Variants in EEA1 observed in about 807,000 individuals in gnomAD.
EEA1 encodes the protein early endosome antigen 1, also known as early endosome antigen 1, 162kD.
EEA1 carries 111 observed loss-of-function variants against 209.2 expected under a neutral mutation model. The ratio of observed to expected loss-of-function variants is 0.53; its 90% confidence interval spans 0.45 to 0.62. The LOEUF is 0.62. EEA1 is among the 20% of genes least tolerant of loss of function. The pLI is 0.00. For missense variants in EEA1, 1,343 were observed against 1,530.8 expected (o/e 0.88, Z 2.05); for synonymous variants, 536 against 540.6 (o/e 0.99, Z 0.12).
At chr12:92,781,227 G>A (rs1453872538) in intron 23 of EEA1, among the ~76,000 whole-genome samples, 1 of 152,082 alleles carries the variant, frequency 6.6e-6, no homozygotes, top group Non-Finnish European at 1.5e-5. Context: ...CAAGAGTTCT[G>A]TCAGAATTCT....
chr12:92,793,733 T>C (rs1874519881), intron 21 of EEA1, among the ~76,000 whole-genome samples: 2 of 152,078 alleles, frequency 1.3e-5, no homozygotes, highest in Non-Finnish European at 1.5e-5. Flanking sequence ...TTCAATGCCA[T>C]CACCATCAAG....
At chr12:92,819,541 G>A (rs1875951277) in intron 13 of EEA1, 30 bp from the exon 14 acceptor site, 4 of 1,466,926 alleles carry the variant, frequency 2.7e-6, no homozygotes, top group Admixed American at 4.6e-5. Flanking sequence ...ACTACTTTAA[G>A]AATAGAGAAC....
Position 92,910,479 on chromosome 12 carries a change from AAAT to A in EEA1, c.24+18561_24+18563del, listed in dbSNP as rs778426438. 1.4e-3 allele frequency among the ~76,000 whole-genome samples: 204 copies of A among 148,710 alleles called. 5 individuals carry two copies. In the South Asian group the frequency reaches 0.016, roughly 12 times the overall value. On this transcript the variant is annotated intron_variant, in intron 1 of 28. Transcript: ENST00000322349. ...GCAAGACTCCATCTCAAAAAAAAATAAATAAATAAACTCAAAATGGATCACAAA... is the reference window on the plus strand; with the variant it reads ...GCAAGACTCCATCTCAAAAAAAAATAAAATAAACTCAAAATGGATCACAAA...
intron 1 of EEA1, among the ~76,000 whole-genome samples, chr12:92,893,590 C>T (rs565651609): frequency 6.6e-6 from 1 of 151,954 alleles, no homozygotes; most frequent in South Asian, 2.1e-4. Context: ...ATTATAAAAA[C>T]TATATACAAT....
chr12:92,861,572 T>C (rs894324686), intron 3 of EEA1, among the ~76,000 whole-genome samples: 2 of 152,184 alleles, frequency 1.3e-5, no homozygotes, highest in Non-Finnish European at 2.9e-5. Flanking sequence ...CTTTGTGATG[T>C]CATAAGTATG....
intron 2 of EEA1, among the ~76,000 whole-genome samples, chr12:92,870,463 C>T (rs1878593998): frequency 6.6e-6 from 1 of 152,110 alleles, no homozygotes; most frequent in Middle Eastern, 3.2e-3. Flanking sequence ...GCCTTTGTTA[C>T]GTGCAGCCTC....
At chr12:92,890,023 T>C (rs901335570) in intron 2 of EEA1, among the ~76,000 whole-genome samples, 4 of 152,324 alleles carry the variant, frequency 2.6e-5, no homozygotes, top group South Asian at 2.1e-4. Flanking sequence ...CAGATCTAAG[T>C]AGATAAAATA....
At chr12:92,809,880 T>C (rs1875411878) in intron 17 of EEA1, among the ~76,000 whole-genome samples, 1 of 152,212 alleles carries the variant, frequency 6.6e-6, no homozygotes, top group African/African-American at 2.4e-5. Context: ...GATGTAATTA[T>C]AAGATATTTA....
chr12:92,877,587 G>A (rs1014708879), intron 2 of EEA1, among the ~76,000 whole-genome samples: 1 of 151,984 alleles, frequency 6.6e-6, no homozygotes, highest in Non-Finnish European at 1.5e-5. Flanking sequence ...GGAGTGCAGT[G>A]GTGCGATCTT....
chr12:92,863,893 T>C (rs1034421598), intron 3 of EEA1, among the ~76,000 whole-genome samples: 7 of 152,220 alleles, frequency 4.6e-5, no homozygotes, highest in African/African-American at 1.4e-4. Context: ...GTCTAATTCA[T>C]AGTTGAAACA....
At position 92,801,638 on chromosome 12, in the gene EEA1, G is replaced by C. The variant is rs758734153; in HGVS notation, c.2734C>G (p.Gln912Glu). 3 of 1,594,208 alleles carry C rather than the reference G, an allele frequency of 1.9e-6. No homozygotes were observed. The South Asian group carries it at 3.5e-5, about 18-fold the overall frequency. Residue 912 changes from glutamine to glutamate, a missense_variant, in exon 20 of 29, where the codon CAG becomes GAG. Gln to Glu is a conservative substitution (Grantham distance 29, BLOSUM62 2). Coordinates refer to ENST00000322349, the MANE Select transcript of EEA1 (RefSeq NM_003566.4). ...QVQMENTLKEQKELKKSLEKE... is the reference protein window; with the variant it reads ...QVQMENTLKEEKELKKSLEKE... ...TCAAGTGACTTTTTCAGTTCCTTCT[G>C]TTCCTTAAGTGTGTTTTCCATCTGC...
intron 2 of EEA1, among the ~76,000 whole-genome samples, chr12:92,867,842 C>G (rs1364888295): frequency 8.0e-6 from 1 of 124,468 alleles, no homozygotes; most frequent in Non-Finnish European, 1.7e-5. Context: ...ATCCTCATTG[C>G]AGCTGCATAG....
chr12:92,845,512 T>C (rs1055368424), intron 9 of EEA1, among the ~76,000 whole-genome samples: 4 of 152,222 alleles, frequency 2.6e-5, no homozygotes, highest in African/African-American at 9.6e-5. Context: ...CAAGATTGTA[T>C]GTGCCTTGGA....
At chr12:92,887,428 T>A (rs560087332) in intron 2 of EEA1, among the ~76,000 whole-genome samples, 1 of 152,158 alleles carries the variant, frequency 6.6e-6, no homozygotes, top group South Asian at 2.1e-4. Context: ...GAAGACTGTT[T>A]AAAGCCAGGA....
At chr12:92,780,527 CTT>C in intron 23 of EEA1, 116 bp from the exon 24 acceptor site, 1 of 702,254 alleles carries the variant, frequency 1.4e-6, no homozygotes. Context: ...TTCTACCTAA[CTT>C]GGGCAAATTA....
intron 21 of EEA1, among the ~76,000 whole-genome samples, chr12:92,796,463 T>TTATA (rs144029000): frequency 3.5e-4 from 52 of 150,660 alleles, no homozygotes; most frequent in East Asian, 1.2e-3. Context: ...TACTTTTTAT[T>TTATA]TATATATATA....
At chr12:92,852,736 G>C (rs189944926) in intron 7 of EEA1, among the ~76,000 whole-genome samples, 176 bp downstream of exon 7, 20 of 152,000 alleles carry the variant, frequency 1.3e-4, no homozygotes, top group Non-Finnish European at 7.4e-5. Flanking sequence ...GGCAGCTAGA[G>C]GACAAACAAA....
chr12:92,778,549 C>A (rs1169524137), intron 25 of EEA1, among the ~76,000 whole-genome samples: 1 of 152,008 alleles, frequency 6.6e-6, no homozygotes, highest in Admixed American at 6.6e-5. Flanking sequence ...TTTTCTCTAT[C>A]AGTCTGCCAA....
intron 2 of EEA1, among the ~76,000 whole-genome samples, chr12:92,874,201 G>A (rs1212475067): frequency 1.3e-5 from 2 of 151,926 alleles, no homozygotes; most frequent in Non-Finnish European, 2.9e-5. Flanking sequence ...TGCACCTATA[G>A]TCCCAGGTAC....
Sources: allele counts gnomAD v4.1 joint callset (sites outside exome capture counted in the v4.1 genomes callset), GRCh38; gene constraint gnomAD v4.1.1; transcripts MANE v1.5; gene names NCBI Gene and HGNC (gene_info 2026-07-23, HGNC 2026-07-21).